The following CELF2 variants were observed in gnomAD, a reference collection of about 807,000 sequenced individuals.
The protein encoded by CELF2 is CUGBP Elav-like family member 2.
Under a neutral mutation model 62.6 loss-of-function variants are expected in CELF2, and 8 were observed. That is an observed-to-expected ratio of 0.13 (90% CI 0.07 to 0.23). CELF2 has a LOEUF of 0.23. CELF2 is among the 10% of genes least tolerant of loss of function. The probability of loss-of-function intolerance (pLI) is 1.00; values close to 1 mark genes in which losing one functional copy is unlikely to be tolerated. For synonymous variants in CELF2, 258 were observed against 250.0 expected (o/e 1.03, Z -0.30); for missense variants, 333 against 671.0 (o/e 0.50, Z 5.56).
the CELF2 span, among the ~76,000 whole-genome samples, chr10:10,703,739 T>G: frequency 6.6e-6 from 1 of 152,158 alleles, no homozygotes; most frequent in Non-Finnish European, 1.5e-5. Context: ...TACATTACAT[T>G]CTGAATCCCA....
intron 2 of CELF2, among the ~76,000 whole-genome samples, chr10:11,193,996 T>C (rs2056733175): frequency 6.6e-6 from 1 of 152,234 alleles, no homozygotes; most frequent in Admixed American, 6.5e-5. Flanking sequence ...ACTTACAGTG[T>C]TGAAACTCTC....
intron 1 of CELF2, among the ~76,000 whole-genome samples, chr10:11,113,957 G>GT (rs1229576742): frequency 6.6e-6 from 1 of 152,136 alleles, no homozygotes. Flanking sequence ...TATATGATTT[G>GT]TGTCTAGCTT....
chr10:11,304,007 C>T (rs1220055447), intron 9 of CELF2, among the ~76,000 whole-genome samples: 1 of 152,232 alleles, frequency 6.6e-6, no homozygotes, highest in Non-Finnish European at 1.5e-5. Context: ...GCTTTATTCC[C>T]AGTACGGTGG....
intron 2 of CELF2, among the ~76,000 whole-genome samples, chr10:10,949,826 C>CAAAAAAA (rs35952853): frequency 1.2e-5 from 1 of 82,234 alleles, no homozygotes; most frequent in Admixed American, 1.3e-4. Flanking sequence ...ACACACACAC[C>CAAAAAAA]AAAAAAAAAA....
intron 2 of CELF2, among the ~76,000 whole-genome samples, chr10:10,987,366 C>T (rs898604574): frequency 1.1e-4 from 17 of 150,350 alleles, no homozygotes; most frequent in African/African-American, 4.2e-4. Context: ...TAAATATTAT[C>T]GTAAACTAAG....
At chr10:11,086,744 A>G (rs1408530885) in intron 1 of CELF2, among the ~76,000 whole-genome samples, 1 of 152,136 alleles carries the variant, frequency 6.6e-6, no homozygotes. Flanking sequence ...CAAATCAGCT[A>G]TTATTCCTAA....
intron 1 of CELF2, among the ~76,000 whole-genome samples, chr10:11,006,888 T>C (rs1373544081): frequency 6.6e-6 from 1 of 152,242 alleles, no homozygotes; most frequent in Non-Finnish European, 1.5e-5. Flanking sequence ...AAGATAAGCG[T>C]TGGTTTCTAA....
At chr10:11,149,846 T>A (rs1039137733) in intron 1 of CELF2, among the ~76,000 whole-genome samples, 1 of 152,208 alleles carries the variant, frequency 6.6e-6, no homozygotes, top group Non-Finnish European at 1.5e-5. Flanking sequence ...TCGACCCCGA[T>A]GGAAATATAC....
chr10:11,102,156 C>A (rs940128735), intron 1 of CELF2: 2 of 152,140 alleles, frequency 1.3e-5, no homozygotes, highest in African/African-American at 4.8e-5. Context: ...ATTCTTAGAC[C>A]AGACTGTAAT....
chr10:10,986,182 T>TA lies in CELF2; in HGVS notation c.89+66193dup, dbSNP rs199602278. ...TATCTATACAGTGTAAAACTTTTTA[T>TA]AAAAAAAAAAGGTATATTCTCTGTA... On this transcript the variant is annotated intron_variant, in intron 2 of 13. Transcript: ENST00000636488. 9.2e-3 allele frequency among the ~76,000 whole-genome samples: 1,353 copies of TA among 146,646 alleles called. 21 individuals carry two copies. The highest frequency in any genetic ancestry group is 0.027 in the African/African-American group (1,100 of 40,130).
At chr10:11,294,679 G>A (rs1329407426) in intron 9 of CELF2, among the ~76,000 whole-genome samples, 1 of 152,168 alleles carries the variant, frequency 6.6e-6, no homozygotes, top group Non-Finnish European at 1.5e-5. Context: ...TTGGGAGGCC[G>A]AGGCGGGTGG....
chr10:10,621,619 A>G, the CELF2 span, among the ~76,000 whole-genome samples: 1 of 152,178 alleles, frequency 6.6e-6, no homozygotes, highest in Non-Finnish European at 1.5e-5. Context: ...CACATAAGAC[A>G]TTCAGGAAAC....
At chr10:11,291,178 C>T (rs2092472325) in intron 9 of CELF2, among the ~76,000 whole-genome samples, 1 of 152,204 alleles carries the variant, frequency 6.6e-6, no homozygotes, top group African/African-American at 2.4e-5. Context: ...CCTCCACAGG[C>T]CTGGGGTTTA....
intron 9 of CELF2, among the ~76,000 whole-genome samples, chr10:11,291,288 A>G (rs1343696192): frequency 6.6e-6 from 1 of 152,142 alleles, no homozygotes; most frequent in East Asian, 1.9e-4. Context: ...AATAATTGTA[A>G]ATTTATCATT....
At chr10:11,137,311 A>G (rs116869212) in intron 1 of CELF2, among the ~76,000 whole-genome samples, 11 of 152,336 alleles carry the variant, frequency 7.2e-5, no homozygotes, top group Non-Finnish European at 1.3e-4. Flanking sequence ...ACTTTTCAGT[A>G]GATCTTCTGG....
intron 3 of CELF2, among the ~76,000 whole-genome samples, chr10:11,240,481 A>G (rs1449417224): frequency 6.6e-6 from 1 of 152,238 alleles, no homozygotes; most frequent in Non-Finnish European, 1.5e-5. Context: ...GCCCTGTGAA[A>G]GAAACCTCAG....
At chr10:10,943,182 C>G (rs947822773) in intron 2 of CELF2, among the ~76,000 whole-genome samples, 8 of 152,172 alleles carry the variant, frequency 5.3e-5, no homozygotes, top group African/African-American at 1.9e-4. Flanking sequence ...TCCCATCTCT[C>G]CAACTGATGT....
chr10:11,094,621 C>G (rs2049262315), intron 1 of CELF2, among the ~76,000 whole-genome samples: 1 of 152,132 alleles, frequency 6.6e-6, no homozygotes, highest in Non-Finnish European at 1.5e-5. Flanking sequence ...AGAGCTGTGT[C>G]TATATGTTAA....
the CELF2 span, among the ~76,000 whole-genome samples, chr10:10,749,522 T>C: frequency 1.3e-5 from 2 of 152,224 alleles, no homozygotes; most frequent in Non-Finnish European, 2.9e-5. Context: ...AAAATACTGA[T>C]ACAATCTGAA....
Sources: allele counts gnomAD v4.1 joint callset (sites outside exome capture counted in the v4.1 genomes callset), GRCh38; gene constraint gnomAD v4.1.1; transcripts MANE v1.5; gene names NCBI Gene and HGNC (gene_info 2026-07-23, HGNC 2026-07-21).